NEK11: variants seen among roughly 807,000 people sequenced by gnomAD.
The protein encoded by NEK11 is NIMA related kinase 11.
NEK11 carries 72 observed loss-of-function variants against 80.7 expected under a neutral mutation model. That is an observed-to-expected ratio of 0.89 (90% CI 0.74 to 1.08). The LOEUF (loss-of-function observed/expected upper bound fraction) is 1.08, where lower values mean the gene tolerates loss of function less well. NEK11 is among the 50% of genes least tolerant of loss of function. The pLI is 0.00. For missense variants in NEK11, 764 were observed against 763.6 expected, an observed-to-expected ratio of 1.00 and a Z score of -0.01; for synonymous variants, 251 against 260.7, an observed-to-expected ratio of 0.96 and a Z score of 0.36.
At chr3:131,225,217 G>A (rs1458929755) in intron 14 of NEK11, among the ~76,000 whole-genome samples, 1 of 152,170 alleles carries the variant, frequency 6.6e-6, no homozygotes, top group East Asian at 1.9e-4. Context: ...AGATACACAA[G>A]TACTTACCAC....
chr3:131,141,042 C>T (rs552346444), intron 7 of NEK11, among the ~76,000 whole-genome samples: 60 of 152,152 alleles, frequency 3.9e-4, no homozygotes, highest in Non-Finnish European at 7.9e-4. Context: ...TTGAAAACAA[C>T]CATGGTATTT....
chr3:131,313,494 T>A (rs1158173669), intron 17 of NEK11, among the ~76,000 whole-genome samples: 1 of 152,182 alleles, frequency 6.6e-6, no homozygotes, highest in Non-Finnish European at 1.5e-5. Flanking sequence ...ATTTTTTGAC[T>A]TTATAATCAC....
intron 14 of NEK11, among the ~76,000 whole-genome samples, chr3:131,213,166 C>T (rs1342429007): frequency 6.7e-6 from 1 of 149,894 alleles, no homozygotes; most frequent in African/African-American, 2.5e-5. Flanking sequence ...GAACCAACTC[C>T]TTAAACCCCC....
intron 14 of NEK11, among the ~76,000 whole-genome samples, chr3:131,189,598 G>A (rs2093719019): frequency 6.6e-6 from 1 of 152,070 alleles, no homozygotes; most frequent in Non-Finnish European, 1.5e-5. Flanking sequence ...ATCAATTTAG[G>A]GGAGACACAA....
chr3:131,280,116 A>G (rs1039304771), intron 17 of NEK11, among the ~76,000 whole-genome samples: 7 of 152,180 alleles, frequency 4.6e-5, no homozygotes, highest in Non-Finnish European at 1.0e-4. Flanking sequence ...AATCTGGGGG[A>G]GCTTCTGAGC....
chr3:131,181,605 G>T (rs2093349370), intron 14 of NEK11, among the ~76,000 whole-genome samples: 1 of 151,974 alleles, frequency 6.6e-6, no homozygotes, highest in Non-Finnish European at 1.5e-5. Flanking sequence ...AATTAGCAGG[G>T]TGTGGTGGCG....
At chr3:131,137,240 G>T (rs925953982) in intron 7 of NEK11, among the ~76,000 whole-genome samples, 2 of 152,180 alleles carry the variant, frequency 1.3e-5, no homozygotes, top group African/African-American at 4.8e-5. Flanking sequence ...GCAAGGATTA[G>T]CTGTGAGTAG....
intron 7 of NEK11, among the ~76,000 whole-genome samples, chr3:131,143,832 G>T (rs890160535): frequency 2.6e-5 from 4 of 151,924 alleles, no homozygotes; most frequent in African/African-American, 9.7e-5. Context: ...CCTAAGTAAA[G>T]ACTTTCATTT....
At chr3:131,331,631 C>A (rs375631987) in intron 17 of NEK11, among the ~76,000 whole-genome samples, 1 of 152,172 alleles carries the variant, frequency 6.6e-6, no homozygotes, top group Non-Finnish European at 1.5e-5. Flanking sequence ...TGCAGCGCAC[C>A]GTGCGTGAGC....
chr3:131,120,352 T>G (rs922007926), intron 5 of NEK11, among the ~76,000 whole-genome samples: 1 of 152,218 alleles, frequency 6.6e-6, no homozygotes, highest in Admixed American at 6.5e-5. Context: ...AGATCCGCTG[T>G]TAGTCTGATG....
intron 4 of NEK11, among the ~76,000 whole-genome samples, chr3:131,093,232 ACTT>A (rs1348186929): frequency 6.6e-6 from 1 of 152,184 alleles, no homozygotes; most frequent in Non-Finnish European, 1.5e-5. Context: ...ATGGTAGATT[ACTT>A]CTTACCAATA....
intron 17 of NEK11, among the ~76,000 whole-genome samples, chr3:131,332,128 G>A (rs561576182): frequency 1.3e-5 from 2 of 152,348 alleles, no homozygotes; most frequent in South Asian, 2.1e-4. Context: ...CTCCCAGCAT[G>A]CAGCTGGAGA....
In NEK11 at chr3:131,288,556, G is replaced by A. The variant is rs369251350; in HGVS notation, c.1718+14982G>A. Among the ~76,000 whole-genome samples, 11 of 150,030 alleles carry A rather than the reference G, an allele frequency of 7.3e-5. No individual in the cohort carries two copies. In the South Asian group the frequency reaches 1.3e-3, roughly 17 times the overall value. On this transcript the variant is annotated intron_variant, in intron 17 of 17. Transcript: ENST00000383366. ...CAGCCTCCGCCTCCCAGGTTCAAGCGATTCTCCTGCCTCAGCCTCCTGAGT... is the reference window on the plus strand; with the variant it reads ...CAGCCTCCGCCTCCCAGGTTCAAGCAATTCTCCTGCCTCAGCCTCCTGAGT...
At chr3:131,079,846 C>T (rs1577958064) in intron 3 of NEK11, among the ~76,000 whole-genome samples, 1 of 151,686 alleles carries the variant, frequency 6.6e-6, no homozygotes, top group South Asian at 2.1e-4. Flanking sequence ...GATATTAAGT[C>T]GATATATTTG....
At chr3:131,074,308 T>TG (rs2148956410) in intron 3 of NEK11, among the ~76,000 whole-genome samples, 1 of 152,028 alleles carries the variant, frequency 6.6e-6, no homozygotes, top group African/African-American at 2.4e-5. Flanking sequence ...TTGGAAAAAA[T>TG]GGGGAATAAA....
At chr3:131,167,032 G>A (rs907619197) in intron 12 of NEK11, among the ~76,000 whole-genome samples, 7 of 152,218 alleles carry the variant, frequency 4.6e-5, no homozygotes, top group African/African-American at 1.7e-4. Context: ...GTTTGTTAAT[G>A]TGTAAAGTAC....
At chr3:131,168,729 T>C (rs2092462795) in intron 12 of NEK11, 101 bp from the exon 13 acceptor site, 1 of 722,880 alleles carries the variant, frequency 1.4e-6, no homozygotes, top group Non-Finnish European at 2.3e-6. Flanking sequence ...CCTTGATTAA[T>C]AATGAATAGA....
intron 9 of NEK11, among the ~76,000 whole-genome samples, chr3:131,153,870 C>G (rs1225021405): frequency 6.6e-6 from 1 of 152,054 alleles, no homozygotes. Context: ...AATAAACAAA[C>G]AGGATACTGT....
At chr3:131,161,056 G>A (rs752002200) in intron 10 of NEK11, among the ~76,000 whole-genome samples, 2 of 150,812 alleles carry the variant, frequency 1.3e-5, no homozygotes, top group Non-Finnish European at 2.9e-5. Context: ...GGTAGCGTGT[G>A]CCTGTAGTCC....
Sources: gnomAD v4.1 joint callset for allele counts (sites outside exome capture counted in the v4.1 genomes callset) on GRCh38, gnomAD v4.1.1 for gene constraint, MANE v1.5 for transcripts, NCBI Gene and HGNC (gene_info 2026-07-23, HGNC 2026-07-21) for gene names.